The following ATP6V0E1 variants were observed in gnomAD, a reference collection of about 807,000 sequenced individuals.
ATP6V0E1 encodes the protein ATPase H+ transporting V0 subunit e1, also known as V-type proton ATPase subunit e 1.
Under a neutral mutation model 11.6 loss-of-function variants are expected in ATP6V0E1, and 4 were observed. That is an observed-to-expected ratio of 0.35 (90% CI 0.17 to 0.79). ATP6V0E1 has a LOEUF of 0.79. Ranked by LOEUF, ATP6V0E1 falls within the 30% of genes least tolerant of loss-of-function variation. The pLI, the probability that ATP6V0E1 is intolerant of heterozygous loss-of-function variation, is 0.54. For missense variants in ATP6V0E1, 105 were observed against 100.0 expected, an observed-to-expected ratio of 1.05 and a Z score of -0.21; for synonymous variants, 36 against 34.8, an observed-to-expected ratio of 1.04 and a Z score of -0.13.
intron 3 of ATP6V0E1, among the ~76,000 whole-genome samples, chr5:173,026,822 T>C (rs1247385701): frequency 6.6e-6 from 1 of 152,198 alleles, no homozygotes; most frequent in Non-Finnish European, 1.5e-5. Context: ...ATATATATGA[T>C]TTTTCTAGAT....
intron 1 of ATP6V0E1, among the ~76,000 whole-genome samples, chr5:172,985,820 A>G (rs549755579): frequency 1.3e-5 from 2 of 152,314 alleles, no homozygotes; most frequent in South Asian, 4.1e-4. Flanking sequence ...GTGTCACTTA[A>G]CAAAAGGACT....
At chr5:172,992,942 C>T (rs907887793) in intron 1 of ATP6V0E1, among the ~76,000 whole-genome samples, 1 of 151,988 alleles carries the variant, frequency 6.6e-6, no homozygotes, top group African/African-American at 2.4e-5. Context: ...GGATTACAGG[C>T]GAGCACCACC....
intron 2 of ATP6V0E1, among the ~76,000 whole-genome samples, chr5:173,006,131 T>G (rs956991080): frequency 2.2e-5 from 3 of 135,180 alleles, no homozygotes; most frequent in East Asian, 3.8e-4. Flanking sequence ...TTATTGTGGT[T>G]TTTTTTTGTT....
intron 3 of ATP6V0E1, among the ~76,000 whole-genome samples, chr5:173,024,846 CTTT>C (rs542062411): frequency 2.9e-5 from 4 of 136,202 alleles, no homozygotes; most frequent in Non-Finnish European, 3.2e-5. Context: ...TTTCTTTTTT[CTTT>C]TTTTTTTTTT....
intron 1 of ATP6V0E1, among the ~76,000 whole-genome samples, chr5:172,985,695 C>T (rs1755886511): frequency 6.6e-6 from 1 of 152,182 alleles, no homozygotes; most frequent in South Asian, 2.1e-4. Context: ...CCATTCTCTC[C>T]CCTTCCTTGG....
At chr5:173,002,604 T>G (rs757991539) in intron 2 of ATP6V0E1, among the ~76,000 whole-genome samples, 1 of 152,220 alleles carries the variant, frequency 6.6e-6, no homozygotes, top group Non-Finnish European at 1.5e-5. Flanking sequence ...CCAAGAGGGG[T>G]ACATAATGTC....
chr5:172,996,959 T>TC (rs1756076478), intron 2 of ATP6V0E1, among the ~76,000 whole-genome samples: 1 of 151,366 alleles, frequency 6.6e-6, no homozygotes, highest in Non-Finnish European at 1.5e-5. Flanking sequence ...TTTCTTTTTT[T>TC]TTTTTTCAAA....
intron 2 of ATP6V0E1, among the ~76,000 whole-genome samples, chr5:173,014,485 A>G (rs182005323): frequency 6.6e-6 from 1 of 152,328 alleles, no homozygotes; most frequent in Admixed American, 6.5e-5. Flanking sequence ...CTGTCAACAG[A>G]TGAACGCATG....
intron 3 of ATP6V0E1, among the ~76,000 whole-genome samples, chr5:173,023,585 C>T (rs1211284579): frequency 6.6e-6 from 1 of 152,230 alleles, no homozygotes; most frequent in Non-Finnish European, 1.5e-5. Flanking sequence ...TGGCTCATGC[C>T]TGTAATCCCA....
intron 1 of ATP6V0E1, among the ~76,000 whole-genome samples, chr5:172,986,137 G>A (rs1755893817): frequency 6.6e-6 from 1 of 152,214 alleles, no homozygotes; most frequent in Non-Finnish European, 1.5e-5. Flanking sequence ...GTGAGTCAGT[G>A]ACTGGTGAGT....
Position 173,032,280 on chromosome 5 carries a change from T to C in ATP6V0E1, c.*37-2119T>C, listed in dbSNP as rs558217765. The stretch of plus-strand genomic sequence containing the variant: ...TTATTTATTTATTTATTTATTTATT[T>C]ATTTATTTATTTATTTATTTATTTT... On this transcript the variant is annotated intron_variant, in intron 3 of 3. Transcript: ENST00000519374. Among the ~76,000 whole-genome samples, 861 of 149,734 alleles carry C rather than the reference T, an allele frequency of 5.8e-3. 9 individuals are homozygous for C. Among genetic ancestry groups the C allele is most frequent in the South Asian group, 0.029 (137 of 4,776 alleles).
intron 1 of ATP6V0E1, among the ~76,000 whole-genome samples, chr5:172,990,178 T>A (rs1755958655): frequency 6.6e-6 from 1 of 151,666 alleles, no homozygotes; most frequent in South Asian, 2.1e-4. Context: ...AAAAAAAAAA[T>A]AGCCTACGAT....
intron 2 of ATP6V0E1, among the ~76,000 whole-genome samples, chr5:173,001,407 C>T (rs1388567487): frequency 6.6e-6 from 1 of 152,154 alleles, no homozygotes; most frequent in Non-Finnish European, 1.5e-5. Context: ...ATTCTTTAGC[C>T]CCCGTTGCTG....
At chr5:173,014,501 A>G (rs2113602028) in intron 2 of ATP6V0E1, among the ~76,000 whole-genome samples, 1 of 152,342 alleles carries the variant, frequency 6.6e-6, no homozygotes, top group Admixed American at 6.5e-5. Flanking sequence ...GCATGCAGAA[A>G]ATGTGTTATA....
At chr5:173,011,157 C>G (rs182019931) in intron 2 of ATP6V0E1, among the ~76,000 whole-genome samples, 2 of 150,688 alleles carry the variant, frequency 1.3e-5, no homozygotes, top group East Asian at 3.9e-4. Context: ...AAATGAATCC[C>G]TAGGCTGCCT....
chr5:173,019,049 G>C (rs987992854), intron 2 of ATP6V0E1, among the ~76,000 whole-genome samples: 3 of 152,070 alleles, frequency 2.0e-5, no homozygotes, highest in Non-Finnish European at 2.9e-5. Context: ...GAACTCCCAG[G>C]CTCAAGGGAT....
At chr5:172,997,744 C>T (rs554879224) in intron 2 of ATP6V0E1, among the ~76,000 whole-genome samples, 3 of 150,682 alleles carry the variant, frequency 2.0e-5, no homozygotes, top group Non-Finnish European at 2.9e-5. Flanking sequence ...ACCCCGGAGG[C>T]GGAGCTTGCA....
rs1241067003 is a variant in ATP6V0E1, at chr5:173,012,754, C to CA, written c.153-7470dup. 9.2e-3 allele frequency among the ~76,000 whole-genome samples: 941 copies of CA among 102,044 alleles called. 9 individuals carry two copies. Among genetic ancestry groups the CA allele is most frequent in the East Asian group, 0.059 (217 of 3,678 alleles). 66.9% of individuals were successfully genotyped at this position (102,044 alleles called of 152,430 possible). A position where few individuals can be genotyped will look rare whatever the true frequency, so the allele number is the denominator to read the frequency against. On this transcript the variant is annotated intron_variant, in intron 2 of 3. Coordinates refer to ENST00000519374, the MANE Select transcript of ATP6V0E1 (RefSeq NM_003945.4). ...CTGGGCAATGAGTGAAACTCCATCTCAAAAAAAAAAAAAAGAAAAGATTTA... is the reference window on the plus strand; with the variant it reads ...CTGGGCAATGAGTGAAACTCCATCTCAAAAAAAAAAAAAAAGAAAAGATTTA...
At chr5:173,029,788 G>A (rs80094367) in intron 3 of ATP6V0E1, among the ~76,000 whole-genome samples, 4,832 of 152,050 alleles carry the variant, frequency 0.032, 110 homozygotes, top group Non-Finnish European at 0.05. Context: ...GGTCACCAGC[G>A]GTCCCATGAG....
Sources: allele counts gnomAD v4.1 joint callset (sites outside exome capture counted in the v4.1 genomes callset), GRCh38; gene constraint gnomAD v4.1.1; transcripts MANE v1.5; gene names NCBI Gene and HGNC (gene_info 2026-07-23, HGNC 2026-07-21).